The following PTPRN2 variants were observed in gnomAD, a reference collection of about 807,000 sequenced individuals.
The protein encoded by PTPRN2 is receptor-type tyrosine-protein phosphatase N2.
PTPRN2 carries 74 observed loss-of-function variants against 118.8 expected under a neutral mutation model. The ratio of observed to expected loss-of-function variants is 0.62; its 90% CI spans 0.52 to 0.76. The LOEUF (loss-of-function observed/expected upper bound fraction) is 0.76. Ranked by LOEUF, PTPRN2 falls within the 30% of genes least tolerant of loss-of-function variation. PTPRN2 has a pLI of 0.00. For synonymous variants in PTPRN2, 641 were observed against 608.0 expected, an observed-to-expected ratio of 1.05 and a Z score of -0.80; for missense variants, 1,481 against 1,394.4, an observed-to-expected ratio of 1.06 and a Z score of -0.99.
chr7:157,762,972 G>A lies in PTPRN2; in HGVS notation c.1789-80035C>T, dbSNP rs534715066. Among the ~76,000 whole-genome samples the A allele has an allele frequency of 1.2e-4, 19 of 152,168 alleles. No individual in the cohort carries two copies. The South Asian group carries it at 1.9e-3, about 15-fold the overall frequency. ...TAACCCTCCATCAGAGCCCACAGCC[G>A]CCCACTCACGGTCGGTCACAGGGCT... On this transcript the variant is annotated intron_variant, in intron 12 of 22. Coordinates refer to ENST00000389418, the MANE Select transcript of PTPRN2 (RefSeq NM_002847.5).
At chr7:157,739,738 T>A (rs928172539) in intron 12 of PTPRN2, among the ~76,000 whole-genome samples, 3 of 152,212 alleles carry the variant, frequency 2.0e-5, no homozygotes, top group Admixed American at 6.5e-5. Flanking sequence ...TGCACACAGA[T>A]CAGCCCTGGG....
chr7:158,153,135 C>A (rs1040971550), intron 6 of PTPRN2, among the ~76,000 whole-genome samples: 1 of 152,270 alleles, frequency 6.6e-6, no homozygotes, highest in South Asian at 2.1e-4. Flanking sequence ...GGAACGATGC[C>A]GAGTGTGGCC....
intron 3 of PTPRN2, among the ~76,000 whole-genome samples, chr7:158,253,780 T>C (rs1291507173): frequency 6.6e-6 from 1 of 152,236 alleles, no homozygotes; most frequent in Non-Finnish European, 1.5e-5. Flanking sequence ...AATAACTCTT[T>C]TTAAGAGCAG....
At chr7:157,818,848 C>T (rs561968917) in intron 12 of PTPRN2, among the ~76,000 whole-genome samples, 2 of 152,224 alleles carry the variant, frequency 1.3e-5, no homozygotes, top group East Asian at 3.9e-4. Context: ...ACTCCAGCCA[C>T]AAACAGGAGA....
chr7:157,714,304 C>T (rs572896926), intron 12 of PTPRN2, among the ~76,000 whole-genome samples: 13 of 152,342 alleles, frequency 8.5e-5, no homozygotes, highest in Admixed American at 3.3e-4. Context: ...CGTTAAACTG[C>T]GCATCTTTGA....
intron 12 of PTPRN2, among the ~76,000 whole-genome samples, chr7:157,768,130 A>G (rs547411844): frequency 6.6e-6 from 1 of 152,364 alleles, no homozygotes; most frequent in East Asian, 1.9e-4. Flanking sequence ...CTACTTAAGC[A>G]TCTTTGTTTA....
chr7:158,492,729 T>C (rs1014754446), intron 1 of PTPRN2, among the ~76,000 whole-genome samples: 3 of 152,240 alleles, frequency 2.0e-5, no homozygotes, highest in African/African-American at 7.2e-5. Context: ...AAAGAGCAAA[T>C]TTCATTTTAA....
intron 14 of PTPRN2, among the ~76,000 whole-genome samples, chr7:157,631,544 A>G (rs1234426639): frequency 1.3e-5 from 2 of 151,462 alleles, no homozygotes; most frequent in African/African-American, 2.4e-5. Context: ...TAAAAATACA[A>G]AAAATTAGCC....
At chr7:158,031,499 C>T (rs1030034823) in intron 11 of PTPRN2, among the ~76,000 whole-genome samples, 2 of 152,122 alleles carry the variant, frequency 1.3e-5, no homozygotes, top group Admixed American at 6.5e-5. Context: ...ATACAGTGTA[C>T]CCAAGTGAGA....
At chr7:158,312,437 C>A (rs1801900029) in intron 3 of PTPRN2, among the ~76,000 whole-genome samples, 1 of 150,608 alleles carries the variant, frequency 6.6e-6, no homozygotes, top group African/African-American at 2.4e-5. Context: ...CATGCACACA[C>A]CCCTGCGCAC....
At chr7:157,714,269 G>A (rs1351817271) in intron 12 of PTPRN2, among the ~76,000 whole-genome samples, 2 of 152,184 alleles carry the variant, frequency 1.3e-5, no homozygotes, top group Non-Finnish European at 2.9e-5. Flanking sequence ...AGATTAGTTC[G>A]TTTTACTGTC....
At chr7:158,518,557 C>T (rs1823740236) in intron 1 of PTPRN2, among the ~76,000 whole-genome samples, 2 of 152,204 alleles carry the variant, frequency 1.3e-5, no homozygotes, top group South Asian at 4.2e-4. Context: ...GGACTGAGAT[C>T]AACAGAGGAT....
intron 3 of PTPRN2, among the ~76,000 whole-genome samples, chr7:158,227,991 A>G (rs1457615210): frequency 6.6e-6 from 1 of 151,322 alleles, no homozygotes. Context: ...TCTATAAAGT[A>G]GTTAAGGCTT....
chr7:157,565,964 G>GTTGACT (rs1799468179), intron 21 of PTPRN2, among the ~76,000 whole-genome samples: 1 of 152,234 alleles, frequency 6.6e-6, no homozygotes, highest in Non-Finnish European at 1.5e-5. Context: ...ACATGAGCCT[G>GTTGACT]TTGACTTTCA....
intron 11 of PTPRN2, among the ~76,000 whole-genome samples, chr7:157,904,663 G>A (rs1584989126): frequency 6.6e-6 from 1 of 152,360 alleles, no homozygotes; most frequent in East Asian, 1.9e-4. Context: ...TGTCTGTGGG[G>A]CGTCAGCTGA....
At position 158,239,258 on chromosome 7, in the gene PTPRN2, T is replaced by C. The variant is rs550538678; in HGVS notation, c.278-33985A>G. Among the ~76,000 whole-genome samples, 13 of 152,290 alleles carry C rather than the reference T, an allele frequency of 8.5e-5. No homozygotes were observed. The South Asian group carries it at 2.7e-3, about 32-fold the overall frequency. Reference sequence around the variant, plus strand: ...GCTATTCCCCTTGGGGCACTGTCTCTCTGTGCAGGGAAGAGTCAGCAGTTC... The same window carrying C: ...GCTATTCCCCTTGGGGCACTGTCTCCCTGTGCAGGGAAGAGTCAGCAGTTC... On this transcript the variant is annotated intron_variant, in intron 3 of 22. Coordinates refer to ENST00000389418, the MANE Select transcript of PTPRN2 (RefSeq NM_002847.5).
At chr7:157,882,030 CTG>C (rs1301471387) in intron 12 of PTPRN2, among the ~76,000 whole-genome samples, 1 of 152,026 alleles carries the variant, frequency 6.6e-6, no homozygotes, top group East Asian at 1.9e-4. Flanking sequence ...CCAAAAATGA[CTG>C]TCATACATCA....
rs1253320418 is a variant in PTPRN2, at chr7:158,022,314, G to A, written c.1723+58984C>T. ...CCGAGCGTTTTCCATCCTTCCTGAC[G>A]GCCTCCACCACGAGACTTCAGGTCA... On this transcript the variant is annotated intron_variant, in intron 11 of 22. Transcript: ENST00000389418. This position sits in a 1 kb window ranked among gnomAD's most constrained non-coding sequence, Gnocchi z 4.6. 5.9e-5 allele frequency among the ~76,000 whole-genome samples: 9 copies of A among 152,282 alleles called. No homozygotes were observed. In the Middle Eastern group the frequency reaches 0.01, roughly 173 times the overall value.
chr7:157,905,963 A>G (rs962382750), intron 11 of PTPRN2, among the ~76,000 whole-genome samples: 2 of 152,154 alleles, frequency 1.3e-5, no homozygotes, highest in African/African-American at 4.8e-5. Context: ...TGTGCCTCAC[A>G]GCCACCGTAA....
Sources: allele counts gnomAD v4.1 joint callset (sites outside exome capture counted in the v4.1 genomes callset), GRCh38; gene constraint gnomAD v4.1.1; non-coding constraint Gnocchi (gnomAD v3.1); transcripts MANE v1.5; gene names NCBI Gene and HGNC (gene_info 2026-07-23, HGNC 2026-07-21).